ANO1: variants seen among roughly 807,000 people sequenced by gnomAD.
The protein encoded by ANO1 is anoctamin-1.
Under a neutral mutation model 124.0 loss-of-function variants are expected in ANO1, and 59 were observed. The ratio of observed to expected loss-of-function variants is 0.48; its 90% CI spans 0.39 to 0.59. The LOEUF is 0.59. ANO1 is among the 20% of genes least tolerant of loss of function. The pLI is 0.00. For synonymous variants in ANO1, 529 were observed against 532.0 expected (o/e 0.99, Z 0.08); for missense variants, 1,059 against 1,328.0 (o/e 0.80, Z 3.15).
intron 1 of ANO1, among the ~76,000 whole-genome samples, chr11:69,996,839 T>G (rs2120336686): frequency 6.6e-6 from 1 of 152,330 alleles, no homozygotes; most frequent in South Asian, 2.1e-4. Context: ...ATCTAGCACC[T>G]AAGTGTTTCC....
the ANO1 span, among the ~76,000 whole-genome samples, chr11:69,968,870 T>C: frequency 6.6e-6 from 1 of 152,248 alleles, no homozygotes. Flanking sequence ...GCCTTCAGTA[T>C]GTGCTGGCAG....
chr11:70,075,933 T>C (rs781970514), upstream of ANO1, among the ~76,000 whole-genome samples: 3 of 152,216 alleles, frequency 2.0e-5, no homozygotes, highest in South Asian at 2.1e-4. Flanking sequence ...TGGGGGGCTA[T>C]TGTTTTTACT....
intron 15 of ANO1, among the ~76,000 whole-genome samples, chr11:70,156,292 C>T (rs1307056257): frequency 6.6e-6 from 1 of 152,134 alleles, no homozygotes; most frequent in Non-Finnish European, 1.5e-5. Flanking sequence ...CCACCCACCC[C>T]AGAACGAGTG....
At chr11:70,080,489 G>A (rs918168520) in intron 1 of ANO1, among the ~76,000 whole-genome samples, 2 of 152,206 alleles carry the variant, frequency 1.3e-5, no homozygotes, top group Non-Finnish European at 2.9e-5. Flanking sequence ...TGGTGGCCAA[G>A]GTGATGGAGA....
chr11:70,032,892 G>T lies in ANO1; in HGVS notation c.59-45650G>T, dbSNP rs553387782. 8.6e-5 allele frequency among the ~76,000 whole-genome samples: 13 copies of T among 150,616 alleles called. No homozygotes were observed. The South Asian group carries it at 2.7e-3, about 32-fold the overall frequency. On this transcript the variant is annotated intron_variant, in intron 1 of 27. Transcript: ENST00000531349. ...GGAGGGAGAAAGAGAAGGAGGGAGAGAGAGAAGGGAGAAAGGGAGGAAGGA... is the reference window on the plus strand; with the variant it reads ...GGAGGGAGAAAGAGAAGGAGGGAGATAGAGAAGGGAGAAAGGGAGGAAGGA...
At chr11:70,065,641 T>A in intron 1 of ANO1, among the ~76,000 whole-genome samples, 1 of 150,060 alleles carries the variant, frequency 6.7e-6, no homozygotes, top group African/African-American at 2.5e-5. Context: ...GTCGTCCCCC[T>A]AGTTGGCCTG....
At chr11:70,171,070 T>G in intron 22 of ANO1, 31 bp downstream of exon 22, 1 of 1,603,722 alleles carries the variant, frequency 6.2e-7, no homozygotes, top group Non-Finnish European at 8.5e-7. Context: ...GCAGAACCGG[T>G]TCCGAGTGCG....
At chr11:70,137,795 G>A (rs149378584) in intron 11 of ANO1, among the ~76,000 whole-genome samples, 1,707 of 147,508 alleles carry the variant, frequency 0.012, 82 homozygotes, top group African/African-American at 0.038. Context: ...GTTCGCATCT[G>A]TAGAACGGAG....
At chr11:70,159,646 T>C (rs1300631511) in intron 16 of ANO1, among the ~76,000 whole-genome samples, 1 of 152,234 alleles carries the variant, frequency 6.6e-6, no homozygotes, top group African/African-American at 2.4e-5. Context: ...GGGAGCCTGC[T>C]GCAGGGCGTG....
At position 70,161,648 on chromosome 11, in the gene ANO1, G is replaced by C; in HGVS notation, c.1807G>C (p.Glu603Gln). The C allele has an allele frequency of 6.2e-7, 1 of 1,614,032 alleles. No individual in the cohort carries two copies. Among genetic ancestry groups the C allele is most frequent in the Non-Finnish European group, 8.5e-7 (1 of 1,179,896 alleles). Residue 603 changes from glutamate to glutamine, a missense_variant, in exon 18 of 26, where the codon GAG becomes CAG. By Grantham distance (29) the Glu-to-Gln change is conservative. Transcript: ENST00000355303. ...GGTCCCAAAGACGGAGAAAAGCTTT[G>C]AGGAGAGGCTGATCTTCAAGGCTTT... The part of the protein sequence containing the change: ...IEVPKTEKSF[E>Q]ERLIFKAFLL...
intron 16 of ANO1, among the ~76,000 whole-genome samples, chr11:70,160,786 C>T (rs2048011639): frequency 6.6e-6 from 1 of 152,238 alleles, no homozygotes; most frequent in African/African-American, 2.4e-5. Context: ...CATACTGTGT[C>T]CTGGGCTGTG....
intron 8 of ANO1, among the ~76,000 whole-genome samples, chr11:70,117,067 G>A (rs1590777121): frequency 6.6e-6 from 1 of 150,988 alleles, no homozygotes; most frequent in East Asian, 1.9e-4. Flanking sequence ...GAAACACTGG[G>A]TGACCCCTTT....
chr11:70,085,389 T>A, intron 1 of ANO1: 1 of 1,493,422 alleles, frequency 6.7e-7, no homozygotes, highest in Non-Finnish European at 8.9e-7. Flanking sequence ...TCAGACTTTG[T>A]CACAGAGGGC....
At chr11:70,186,352 G>GAGGAAAGGAAGGAAGGAAGGAAGGA (rs2049121547) in intron 25 of ANO1, among the ~76,000 whole-genome samples, 1 of 126,822 alleles carries the variant, frequency 7.9e-6, no homozygotes, top group South Asian at 2.8e-4. Flanking sequence ...GAGGGGGAGG[G>GAGGAAAGGAAGGAAGGAAGGAAGGA]AGGAAGGAAG....
intron 1 of ANO1, among the ~76,000 whole-genome samples, chr11:70,040,924 A>G (rs1340809785): frequency 6.6e-6 from 1 of 152,236 alleles, no homozygotes; most frequent in African/African-American, 2.4e-5. Flanking sequence ...GCAAATGTCA[A>G]GTTGAACAAA....
chr11:70,182,381 C>A, intron 23 of ANO1, 121 bp from the exon 24 acceptor site: 1 of 809,324 alleles, frequency 1.2e-6, no homozygotes, highest in Non-Finnish European at 1.8e-6. Flanking sequence ...CTATGGTCCC[C>A]GCCAGAGGCA....
intron 11 of ANO1, among the ~76,000 whole-genome samples, chr11:70,134,741 A>G (rs150358832): frequency 7.2e-5 from 11 of 152,278 alleles, no homozygotes; most frequent in African/African-American, 2.6e-4. Flanking sequence ...ACTGAGCACA[A>G]TGTGTATCCC....
At chr11:70,160,288 C>T (rs777281634) in intron 16 of ANO1, among the ~76,000 whole-genome samples, 27 of 152,106 alleles carry the variant, frequency 1.8e-4, no homozygotes, top group Admixed American at 3.3e-4. Context: ...GTGTGCTTCT[C>T]CTGCCCAGCC....
At chr11:70,179,091 C>T (rs1190858175) in intron 22 of ANO1, among the ~76,000 whole-genome samples, 4 of 152,328 alleles carry the variant, frequency 2.6e-5, no homozygotes, top group East Asian at 1.9e-4. Context: ...AGGGCAGAAG[C>T]GCTATGTACA....
Sources: allele counts gnomAD v4.1 joint callset (sites outside exome capture counted in the v4.1 genomes callset), GRCh38; gene constraint gnomAD v4.1.1; transcripts MANE v1.5; gene names NCBI Gene and HGNC (gene_info 2026-07-23, HGNC 2026-07-21).